Variants in PLA2G4C observed in about 807,000 individuals in gnomAD.
PLA2G4C encodes the protein phospholipase A2 group IVC, also known as cytosolic phospholipase A2 gamma.
A neutral mutation model predicts 73.8 loss-of-function variants in PLA2G4C; 64 were observed. The ratio of observed to expected loss-of-function variants is 0.87; its 90% CI spans 0.71 to 1.07. PLA2G4C has a LOEUF of 1.07. PLA2G4C is among the 50% of genes least tolerant of loss of function. The pLI is 0.00. For missense variants in PLA2G4C, 622 were observed against 665.4 expected (o/e 0.93, Z 0.72); for synonymous variants, 254 against 252.1 (o/e 1.01, Z -0.07).
intron 9 of PLA2G4C, among the ~76,000 whole-genome samples, chr19:48,087,429 A>C: frequency 6.6e-6 from 1 of 152,276 alleles, no homozygotes; most frequent in Middle Eastern, 3.4e-3. Flanking sequence ...CTGCATCCCC[A>C]CAGGAGGAGC....
At chr19:48,109,084 G>A (rs542295107) in intron 1 of PLA2G4C, among the ~76,000 whole-genome samples, 2 of 152,214 alleles carry the variant, frequency 1.3e-5, no homozygotes, top group Middle Eastern at 6.8e-3. Context: ...AAAAAATCTA[G>A]CCTGTGAGGT....
At chr19:48,091,910 T>A (rs1654385) in intron 7 of PLA2G4C, among the ~76,000 whole-genome samples, 26,615 of 62,418 alleles carry the variant, frequency 0.43, 4,522 homozygotes, top group African/African-American at 0.58. Context: ...AAAAAAAAAA[T>A]AGACACACCC....
At chr19:48,071,672 C>T (rs1450074069) in intron 12 of PLA2G4C, among the ~76,000 whole-genome samples, 2 of 152,182 alleles carry the variant, frequency 1.3e-5, no homozygotes, top group East Asian at 3.9e-4. Context: ...TGGTCTTGAA[C>T]TCCTGGCCTC....
intron 4 of PLA2G4C, among the ~76,000 whole-genome samples, chr19:48,100,530 G>A (rs34588456): frequency 0.079 from 11,919 of 150,400 alleles, 1,108 homozygotes; most frequent in African/African-American, 0.22. Context: ...GCTTGAACCC[G>A]GGAGGTGGAG....
rs1436475537 is a variant in PLA2G4C at position 48,074,819 on chromosome 19, G to C, written c.954C>G (p.Thr318=). 1.2e-5 allele frequency: 20 copies of C among 1,613,206 alleles called. No individual in the cohort carries two copies. Among genetic ancestry groups the C allele is most frequent in the Non-Finnish European group, 1.5e-5 (18 of 1,179,602 alleles). The change falls in exon 12 of 17, where the codon ACC becomes ACG. Residue 318 remains threonine (T), a synonymous_variant. Coordinates refer to ENST00000599921, the MANE Select transcript of PLA2G4C (RefSeq NM_003706.3). ...TWLTEMLENW[T]RTSLEKQEQP... The stretch of plus-strand genomic sequence containing the variant: ...GCTCCTGCTTTTCCAGGGAGGTCCT[G>C]GTCCAATTCTCGAGCATCTCAGTCA...
intron 2 of PLA2G4C, among the ~76,000 whole-genome samples, chr19:48,105,924 TCCC>T (rs1568457446): frequency 0.03 from 664 of 22,206 alleles, 135 homozygotes; most frequent in Non-Finnish European, 0.035. Flanking sequence ...CCTCCCTCCC[TCCC>T]TCCCTCCCTC....
chr19:48,097,488 G>A (rs1367282703), intron 6 of PLA2G4C, among the ~76,000 whole-genome samples: 5 of 151,580 alleles, frequency 3.3e-5, no homozygotes, highest in South Asian at 2.1e-4. Flanking sequence ...TCCTGACCTC[G>A]TGATCCACCC....
At chr19:48,098,046 C>T in intron 6 of PLA2G4C, 93 bp downstream of exon 6, 1 of 1,407,518 alleles carries the variant, frequency 7.1e-7, no homozygotes, top group Admixed American at 2.0e-5. Flanking sequence ...TCTTCCTGGG[C>T]TCCCCAAGGG....
intron 9 of PLA2G4C, among the ~76,000 whole-genome samples, chr19:48,086,095 G>A (rs1373371072): frequency 6.6e-6 from 1 of 152,202 alleles, no homozygotes; most frequent in East Asian, 1.9e-4. Flanking sequence ...CACATGGGGT[G>A]AATGAAAAGC....
intron 2 of PLA2G4C, 100 bp downstream of exon 2, chr19:48,106,422 C>G (rs1216540458): frequency 2.1e-6 from 2 of 936,014 alleles, no homozygotes; most frequent in African/African-American, 3.2e-5. Flanking sequence ...CTCCACCAAG[C>G]GAGAGGAACT....
At chr19:48,077,704 G>T in intron 11 of PLA2G4C, 67 bp downstream of exon 11, 1 of 1,174,442 alleles carries the variant, frequency 8.5e-7, no homozygotes, top group Non-Finnish European at 1.2e-6. Flanking sequence ...TTAGGACAAT[G>T]GCTGGCTTCA....
intron 12 of PLA2G4C, among the ~76,000 whole-genome samples, chr19:48,069,354 C>A (rs1968571772): frequency 1.3e-5 from 2 of 152,108 alleles, no homozygotes; most frequent in South Asian, 4.1e-4. Flanking sequence ...CAGAATGTTC[C>A]AGGAGCTGTT....
intron 5 of PLA2G4C, among the ~76,000 whole-genome samples, chr19:48,099,280 G>A (rs961182298): frequency 6.6e-6 from 1 of 151,754 alleles, no homozygotes; most frequent in Non-Finnish European, 1.5e-5. Flanking sequence ...AAAATAAAAT[G>A]AAATAAAATA....
intron 4 of PLA2G4C, chr19:48,104,322 T>C: frequency 2.6e-6 from 1 of 378,858 alleles, no homozygotes; most frequent in Non-Finnish European, 4.8e-6. Flanking sequence ...CTATTGCCAG[T>C]CGGTCAGAAG....
intron 15 of PLA2G4C, among the ~76,000 whole-genome samples, 160 bp downstream of exon 15, chr19:48,054,718 C>G (rs1421974941): frequency 6.6e-6 from 1 of 152,190 alleles, no homozygotes; most frequent in East Asian, 1.9e-4. Context: ...CGCTTTCCAC[C>G]ATGACTGTAA....
chr19:48,056,757 G>A (rs183712687), intron 14 of PLA2G4C, among the ~76,000 whole-genome samples: 1 of 151,390 alleles, frequency 6.6e-6, no homozygotes, highest in Non-Finnish European at 1.5e-5. Context: ...GCTTGAACAT[G>A]GGAGGCAGAG....
chr19:48,051,613 G>T (rs1241922282), intron 16 of PLA2G4C, among the ~76,000 whole-genome samples: 1 of 151,968 alleles, frequency 6.6e-6, no homozygotes, highest in Admixed American at 6.6e-5. Flanking sequence ...AAAACCATCA[G>T]ATCTCGTGAG....
rs1424821757 is a variant in PLA2G4C at position 48,054,862 on chromosome 19, C to T, written c.1429+16G>A. 14 of 1,613,158 alleles carry T rather than the reference C, an allele frequency of 8.7e-6. 1 individual carries two copies. In the South Asian group the frequency reaches 1.3e-4, roughly 15 times the overall value. On this transcript the variant is annotated intron_variant, in intron 15 of 16. Transcript: ENST00000599921. ...TAATACAGGTGGCTTCTCACCTGCT[C>T]CTCCCCTGCACCTACCTCCACAGGC... is the stretch of plus-strand genomic sequence containing the variant.
chr19:48,101,026 G>A (rs956317522), intron 4 of PLA2G4C, among the ~76,000 whole-genome samples: 1 of 147,646 alleles, frequency 6.8e-6, no homozygotes. Context: ...TCACAGTTCT[G>A]CAGGCTGTAC....
Sources: allele counts gnomAD v4.1 joint callset (sites outside exome capture counted in the v4.1 genomes callset), GRCh38; gene constraint gnomAD v4.1.1; transcripts MANE v1.5; gene names NCBI Gene and HGNC (gene_info 2026-07-23, HGNC 2026-07-21).